The following MYT1 variants were observed in gnomAD, a reference collection of about 807,000 sequenced individuals.
MYT1 encodes myelin transcription factor I.
In MYT1, 23 loss-of-function variants were observed where a neutral mutation model predicts 123.0. The observed-to-expected ratio is 0.19, with a 90% CI of 0.13 to 0.26. MYT1 has a LOEUF of 0.26. MYT1 is among the 10% of genes least tolerant of loss of function. MYT1 has a pLI of 1.00. For synonymous variants in MYT1, 518 were observed against 575.3 expected, an observed-to-expected ratio of 0.90 and a Z score of 1.43; for missense variants, 1,125 against 1,472.5, an observed-to-expected ratio of 0.76 and a Z score of 3.86.
chr20:64,207,122 G>T (rs1219495484), intron 6 of MYT1, among the ~76,000 whole-genome samples: 1 of 152,128 alleles, frequency 6.6e-6, no homozygotes, highest in Non-Finnish European at 1.5e-5. Flanking sequence ...GACCTCAGGT[G>T]ATCCGCCCGC....
At position 64,185,887 on chromosome 20, in the gene MYT1, T is replaced by C. The variant is rs1024116047; in HGVS notation, c.-98-4176T>C. Among the ~76,000 whole-genome samples the C allele has an allele frequency of 1.3e-5, 2 of 152,102 alleles. No individual in the cohort carries two copies. The highest frequency in any genetic ancestry group is 4.8e-5 in the African/African-American group (2 of 41,412). ...CTTGGGGTAGGCCAGCAGCACTTCC[T>C]GGGAAGAGCCCAGCAGAGCACTGGC... On this transcript the variant is annotated intron_variant, in intron 1 of 22. Transcript: ENST00000328439. This position sits in a 1 kb window ranked among gnomAD's most constrained non-coding sequence, Gnocchi z 4.5.
intron 2 of MYT1, among the ~76,000 whole-genome samples, chr20:64,198,265 C>T (rs1274233402): frequency 4.9e-5 from 6 of 122,408 alleles, no homozygotes; most frequent in East Asian, 2.3e-4. Flanking sequence ...CCAGCCTGGG[C>T]GACAGAGCGA....
chr20:64,174,881 T>C (rs481342), intron 1 of MYT1, among the ~76,000 whole-genome samples: 1 of 356 alleles, frequency 2.8e-3, no homozygotes. Context: ...GCTTCTCCTG[T>C]AGCATCTTTC....
At chr20:64,227,389 C>T (rs531671207) in intron 16 of MYT1, 26 bp from the exon 17 acceptor site, 62 of 1,610,470 alleles carry the variant, frequency 3.8e-5, no homozygotes, top group East Asian at 8.9e-5. Flanking sequence ...CACGGGCTCC[C>T]GTTCCAGTTC....
In MYT1 at chr20:64,205,536, C is replaced by T. The variant is rs773376911; in HGVS notation, c.150-17C>T. On this transcript the variant is annotated splice_polypyrimidine_tract_variant and intron_variant, in intron 5 of 22. Coordinates refer to ENST00000328439, the MANE Select transcript of MYT1 (RefSeq NM_004535.3). ...GCCCTAGCCTGGTCCTCTCCACTGC[C>T]TACTCCTCCCTCCCAGTTTACAGAG... 1 of 1,613,212 alleles carries T rather than the reference C, an allele frequency of 6.2e-7. No homozygotes were observed. Among genetic ancestry groups the T allele is most frequent in the Non-Finnish European group, 8.5e-7 (1 of 1,179,640 alleles).
At chr20:64,198,117 C>G (rs1329234960) in intron 2 of MYT1, among the ~76,000 whole-genome samples, 1 of 151,690 alleles carries the variant, frequency 6.6e-6, no homozygotes, top group African/African-American at 2.4e-5. Flanking sequence ...AACCCCGTCT[C>G]TACTAAAAAA....
In MYT1 at chr20:64,192,554, C is replaced by T. The variant is rs1982998316; in HGVS notation, c.-1+2394C>T. On this transcript the variant is annotated intron_variant, in intron 2 of 22. Coordinates refer to ENST00000328439, the MANE Select transcript of MYT1 (RefSeq NM_004535.3). The surrounding 1 kb of genome is among the most constrained non-coding windows in gnomAD (Gnocchi z 5.3). ...AACCCTGTGCATGGGACCGTCACAGCCTGCGGCGTGCCTCTGAGTTCAGCA... is the reference window on the plus strand; with the variant it reads ...AACCCTGTGCATGGGACCGTCACAGTCTGCGGCGTGCCTCTGAGTTCAGCA... 6.6e-6 allele frequency among the ~76,000 whole-genome samples: 1 copy of T among 152,192 alleles called. No individual in the cohort carries two copies. The highest frequency in any genetic ancestry group is 2.1e-4 in the South Asian group (1 of 4,824).
At chr20:64,230,386 G>A (rs541938383) in intron 18 of MYT1, among the ~76,000 whole-genome samples, 8 of 152,302 alleles carry the variant, frequency 5.3e-5, no homozygotes, top group South Asian at 4.1e-4. Flanking sequence ...GGTGGCGGGC[G>A]CCTGTAATCC....
At chr20:64,187,390 T>C in intron 1 of MYT1, among the ~76,000 whole-genome samples, 1 of 151,272 alleles carries the variant, frequency 6.6e-6, no homozygotes, top group South Asian at 2.1e-4. Context: ...AGTTTTCCTG[T>C]GGCACGTGGC....
At position 64,211,257 on chromosome 20, in the gene MYT1, A is replaced by G. The variant is rs1266974764; in HGVS notation, c.1343A>G (p.Asp448Gly). 1 of 1,614,100 alleles carries G rather than the reference A, an allele frequency of 6.2e-7. No individual in the cohort carries two copies. The change falls in exon 8 of 23, where the codon GAT (aspartate) becomes GGT (glycine). Residue 448 changes from aspartate to glycine, a missense_variant. Around this residue, in one of 4 missense-constraint regions of MYT1, gnomAD observed 429 missense variants for 604.1 expected, o/e 0.71. Transcript: ENST00000328439. ...REIKCPTPGC[D>G]GTGHVTGLYP... ...ATCAAGTGTCCAACACCAGGCTGTG[A>G]TGGCACTGGCCACGTTACCGGGTTG...
chr20:64,221,646 G>T (rs1301941631), intron 13 of MYT1, among the ~76,000 whole-genome samples: 1 of 152,238 alleles, frequency 6.6e-6, no homozygotes, highest in African/African-American at 2.4e-5. Flanking sequence ...GGCAGCACCA[G>T]GCCTCATTTC....
Position 64,196,282 on chromosome 20 carries a change from C to T in MYT1, c.1-2580C>T, listed in dbSNP as rs977986962. Among the ~76,000 whole-genome samples, 5 of 152,236 alleles carry T rather than the reference C, an allele frequency of 3.3e-5. No homozygotes were observed. Among genetic ancestry groups the T allele is most frequent in the South Asian group, 2.1e-4 (1 of 4,826 alleles). Reference sequence around the variant, plus strand: ...GGGGGCAGAAGGTCTGGGGGGCTGCCGTCCAGGGATCACCAAGGTGAGCCT... The same window carrying T: ...GGGGGCAGAAGGTCTGGGGGGCTGCTGTCCAGGGATCACCAAGGTGAGCCT... On this transcript the variant is annotated intron_variant, in intron 2 of 22. Coordinates refer to ENST00000328439, the MANE Select transcript of MYT1 (RefSeq NM_004535.3). The surrounding 1 kb of genome is among the most constrained non-coding windows in gnomAD (Gnocchi z 4.3).
intron 4 of MYT1, among the ~76,000 whole-genome samples, chr20:64,204,821 A>T (rs1215165733): frequency 6.6e-6 from 1 of 152,182 alleles, no homozygotes; most frequent in Admixed American, 6.5e-5. Context: ...TCTTGCTCTT[A>T]TGTATACACA....
Position 64,213,589 on chromosome 20 carries a change from C to A in MYT1, c.1573C>A (p.Gln525Lys). Residue 525 changes from glutamine to lysine, a missense_variant, in exon 10 of 23, where the codon CAG (glutamine) becomes AAG (lysine). By Grantham distance (53) the Gln-to-Lys change is moderately conservative (BLOSUM62 1). This residue lies in a region of MYT1 where 429 missense variants were observed against 604.1 expected (regional missense o/e 0.71). Coordinates refer to ENST00000328439, the MANE Select transcript of MYT1 (RefSeq NM_004535.3). The surrounding 1 kb of genome is among the most constrained non-coding windows in gnomAD (Gnocchi z 5.6). ...AAAATTAGCCAAATCCCATGAGAAG[C>A]AGCAGCCGCAGACAGGAGATCCTTC... ...AEKLAKSHEK[Q>K]QPQTGDPSKS... 6.2e-7 allele frequency: 1 copy of A among 1,614,154 alleles called. No individual in the cohort carries two copies. Among genetic ancestry groups the A allele is most frequent in the Non-Finnish European group, 8.5e-7 (1 of 1,180,018 alleles).
chr20:64,236,690 A>T, intron 20 of MYT1, 44 bp downstream of exon 20: 1 of 1,531,364 alleles, frequency 6.5e-7, no homozygotes, highest in African/African-American at 1.4e-5. Flanking sequence ...GCTGGGTGCC[A>T]GGGTAAGTGA....
chr20:64,168,942 C>T lies in MYT1; in HGVS notation c.-99+4203C>T, dbSNP rs546503028. ...GCCTGCTGGCCCCACCTCTCTCTCA[C>T]GCCTGGCTTCACACCTCCATCGTGT... On this transcript the variant is annotated intron_variant, in intron 1 of 22. Transcript: ENST00000328439. This position sits in a 1 kb window ranked among gnomAD's most constrained non-coding sequence, Gnocchi z 6.1. 1.6e-4 allele frequency among the ~76,000 whole-genome samples: 25 copies of T among 152,358 alleles called. No individual in the cohort carries two copies. The highest frequency in any genetic ancestry group is 4.8e-4 in the African/African-American group (20 of 41,592).
intron 1 of MYT1, among the ~76,000 whole-genome samples, chr20:64,179,513 A>C (rs1003263533): frequency 5.9e-5 from 9 of 152,130 alleles, no homozygotes; most frequent in African/African-American, 2.2e-4. Flanking sequence ...TCCTCAACAA[A>C]CCATCACTTA....
At chr20:64,234,932 A>G (rs142732827) in intron 19 of MYT1, among the ~76,000 whole-genome samples, 931 of 67,374 alleles carry the variant, frequency 0.014, no homozygotes, top group Middle Eastern at 0.057. Flanking sequence ...TTGGCTGGCC[A>G]TGGTGGGTGA....
At chr20:64,205,408 C>A in intron 5 of MYT1, 145 bp from the exon 6 acceptor site, 1 of 1,309,176 alleles carries the variant, frequency 7.6e-7, no homozygotes, top group Non-Finnish European at 1.0e-6. Flanking sequence ...CTGCACTTTG[C>A]TTTTTTTGTC....
Sources: allele counts gnomAD v4.1 joint callset (sites outside exome capture counted in the v4.1 genomes callset), GRCh38; gene constraint gnomAD v4.1.1; regional missense constraint gnomAD v4.1.1; non-coding constraint Gnocchi (gnomAD v3.1); transcripts MANE v1.5; gene names NCBI Gene and HGNC (gene_info 2026-07-23, HGNC 2026-07-21).